Variants in ANXA4 observed in about 807,000 individuals in gnomAD.
The protein encoded by ANXA4 is annexin A4.
In ANXA4, 39 loss-of-function variants were observed where a neutral mutation model predicts 49.8. The ratio of observed to expected loss-of-function variants is 0.78; its 90% CI spans 0.61 to 1.02. The LOEUF (loss-of-function observed/expected upper bound fraction) is 1.02, where lower values mean the gene tolerates loss of function less well. Ranked by LOEUF, ANXA4 falls within the 50% of genes least tolerant of loss-of-function variation. ANXA4 has a pLI of 0.00. For missense variants in ANXA4, 360 were observed against 410.1 expected (o/e 0.88, Z 1.05); for synonymous variants, 134 against 152.5 (o/e 0.88, Z 0.89).
At chr2:69,716,090 T>G (rs184011599) in intron 2 of ANXA4, among the ~76,000 whole-genome samples, 1 of 152,334 alleles carries the variant, frequency 6.6e-6, no homozygotes, top group East Asian at 1.9e-4. Context: ...TAGAGTTCTC[T>G]GTGAGTACAG....
rs199640727 is a variant in ANXA4 at position 69,804,613 on chromosome 2, A to C, written c.178A>C (p.Ser60Arg). The change falls in exon 4 of 13, where the codon AGC becomes CGC. Residue 60 changes from serine to arginine, a missense_variant. Ser to Arg is a moderately radical substitution (Grantham distance 110). Coordinates refer to ENST00000394295, the MANE Select transcript of ANXA4 (RefSeq NM_001153.5). The part of the protein sequence containing the change: ...QRQEIRTAYK[S>R]TIGRDLIDDL... ...CCAGGAGATCAGGACAGCCTACAAG[A>C]GCACCATCGGCAGGGTAGGCCACAG... 310 of 1,613,112 alleles carry C rather than the reference A, an allele frequency of 1.9e-4. No individual in the cohort carries two copies. Among genetic ancestry groups the C allele is most frequent in the Non-Finnish European group, 2.2e-4 (259 of 1,179,594 alleles).
At chr2:69,816,005 C>A in intron 8 of ANXA4, 96 bp from the exon 9 acceptor site, 3 of 955,412 alleles carry the variant, frequency 3.1e-6, no homozygotes, top group Non-Finnish European at 3.3e-6. Context: ...CAAAATAAAA[C>A]TAAGCCAGCT....
At chr2:69,759,331 G>T (rs186786504) in intron 1 of ANXA4, among the ~76,000 whole-genome samples, 152 of 152,180 alleles carry the variant, frequency 1.0e-3, no homozygotes, top group African/African-American at 3.6e-3. Flanking sequence ...TTACAACTGT[G>T]CTGAAACACT....
intron 2 of ANXA4, among the ~76,000 whole-genome samples, chr2:69,707,816 C>T (rs1192701714): frequency 6.6e-6 from 1 of 152,194 alleles, no homozygotes; most frequent in Non-Finnish European, 1.5e-5. Context: ...CTATCAAATA[C>T]TAGGTCTTAT....
At chr2:69,675,168 T>G (rs777842198) in intron 2 of ANXA4, among the ~76,000 whole-genome samples, 2 of 152,146 alleles carry the variant, frequency 1.3e-5, no homozygotes, top group Non-Finnish European at 2.9e-5. Flanking sequence ...GTGATCCACC[T>G]GCCTTGGCCT....
intron 2 of ANXA4, among the ~76,000 whole-genome samples, chr2:69,672,688 A>G (rs1230567608): frequency 1.3e-5 from 2 of 152,230 alleles, no homozygotes; most frequent in Non-Finnish European, 2.9e-5. Flanking sequence ...AGTAAATGCC[A>G]AAGAAGATAT....
chr2:69,781,739 TA>T (rs745742398), intron 2 of ANXA4, among the ~76,000 whole-genome samples, 165 bp downstream of exon 2: 5 of 152,166 alleles, frequency 3.3e-5, no homozygotes, highest in African/African-American at 7.2e-5. Flanking sequence ...AAATTTCTTT[TA>T]GGGGTGGTAA....
In ANXA4 at chr2:69,773,519, A is replaced by T. The variant is rs181379892; in HGVS notation, c.-46-8001A>T. Among the ~76,000 whole-genome samples the T allele has an allele frequency of 4.3e-3, 652 of 151,990 alleles. 2 individuals carry two copies. Among genetic ancestry groups the T allele is most frequent in the Non-Finnish European group, 5.8e-3 (395 of 67,948 alleles). On this transcript the variant is annotated intron_variant, in intron 1 of 12. Coordinates refer to ENST00000394295, the MANE Select transcript of ANXA4 (RefSeq NM_001153.5). ...GGGCCTCCAGACCAAGGACTGGCTA[A>T]GATCTGTGAAGGTCTTAAGTTTTGC...
intron 3 of ANXA4, among the ~76,000 whole-genome samples, chr2:69,728,013 A>G (rs774958232): frequency 3.3e-5 from 5 of 152,234 alleles, no homozygotes; most frequent in Non-Finnish European, 7.3e-5. Flanking sequence ...CTCAAGTTAA[A>G]TATGGTTATG....
intron 2 of ANXA4, among the ~76,000 whole-genome samples, chr2:69,678,597 A>G (rs941438882): frequency 1.3e-5 from 2 of 151,632 alleles, no homozygotes; most frequent in Non-Finnish European, 2.9e-5. Flanking sequence ...GGGTTTTGCC[A>G]TGTTGCCCAG....
intron 10 of ANXA4, 115 bp from the exon 11 acceptor site, chr2:69,819,165 C>T (rs1054258519): frequency 4.2e-5 from 30 of 717,262 alleles, no homozygotes; most frequent in Non-Finnish European, 5.8e-5. Flanking sequence ...GCTAAAATTT[C>T]CCTGGCAAAG....
rs544129659 is a variant in ANXA4, at chr2:69,681,580, C to G, written n.766+28298C>G. Reference sequence around the variant, plus strand: ...GGGTTTCACCATGTTGGTCCACCTGCCTGGGCCTTCCAAAGTGCTGGGATT... The same window carrying G: ...GGGTTTCACCATGTTGGTCCACCTGGCTGGGCCTTCCAAAGTGCTGGGATT... On this transcript the variant is annotated intron_variant and non_coding_transcript_variant, in intron 2 of 3. Coordinates refer to the ANXA4 transcript ENST00000418066. Among the ~76,000 whole-genome samples the G allele has an allele frequency of 4.6e-5, 7 of 152,122 alleles. No individual in the cohort carries two copies. In the East Asian group the frequency reaches 1.4e-3, roughly 29 times the overall value.
chr2:69,742,960 G>C (rs1226342321), intron 1 of ANXA4, among the ~76,000 whole-genome samples: 1 of 152,100 alleles, frequency 6.6e-6, no homozygotes, highest in Non-Finnish European at 1.5e-5. Context: ...CTGCCCACCA[G>C]TCCATGACAC....
intron 1 of ANXA4, among the ~76,000 whole-genome samples, chr2:69,780,707 A>G (rs959366984): frequency 1.3e-5 from 2 of 152,102 alleles, no homozygotes; most frequent in Admixed American, 1.3e-4. Flanking sequence ...GCACCACTGC[A>G]CTCCAGCCTG....
At chr2:69,794,466 C>G (rs1030609161) in intron 3 of ANXA4, among the ~76,000 whole-genome samples, 6 of 151,916 alleles carry the variant, frequency 3.9e-5, no homozygotes, top group African/African-American at 1.5e-4. Flanking sequence ...AGACTGAATG[C>G]TTTCCCCATG....
rs1441587405 is a variant in ANXA4 at position 69,656,331 on chromosome 2, ATGTG to A, written n.766+3051_766+3054del. Among the ~76,000 whole-genome samples, 21 of 100,692 alleles carry A rather than the reference ATGTG, an allele frequency of 2.1e-4. 1 individual carries two copies. In the East Asian group the frequency reaches 6.4e-3, roughly 31 times the overall value. 66.1% of individuals were successfully genotyped at this position (100,692 alleles called of 152,430 possible). ...TATATATGTATATATATGTATATATATGTGTATATATATGTGTATATATGTGTAT... is the reference window on the plus strand; with the variant it reads ...TATATATGTATATATATGTATATATATATATATATGTGTATATATGTGTAT... On this transcript the variant is annotated intron_variant and non_coding_transcript_variant, in intron 2 of 3. Transcript: ENST00000418066.
At chr2:69,706,993 T>C (rs911154584) in intron 2 of ANXA4, among the ~76,000 whole-genome samples, 1 of 152,246 alleles carries the variant, frequency 6.6e-6, no homozygotes, top group African/African-American at 2.4e-5. Context: ...ATTCCTGAAA[T>C]ACACTTGACT....
At chr2:69,736,865 C>T (rs1421214197) in intron 3 of ANXA4, among the ~76,000 whole-genome samples, 1 of 152,052 alleles carries the variant, frequency 6.6e-6, no homozygotes, top group Non-Finnish European at 1.5e-5. Flanking sequence ...GCAGTGGTGC[C>T]ATCTTGGCTC....
chr2:69,651,248 A>G (rs992643602), intron 1 of ANXA4, among the ~76,000 whole-genome samples: 1 of 152,180 alleles, frequency 6.6e-6, no homozygotes, highest in Non-Finnish European at 1.5e-5. Context: ...CCATGTGCCT[A>G]GAGTCCTACC....
Sources: allele counts gnomAD v4.1 joint callset (sites outside exome capture counted in the v4.1 genomes callset), GRCh38; gene constraint gnomAD v4.1.1; transcripts MANE v1.5; gene names NCBI Gene and HGNC (gene_info 2026-07-23, HGNC 2026-07-21).